Variants in RIMS2 observed in about 807,000 individuals in gnomAD.
RIMS2 encodes regulating synaptic membrane exocytosis protein 2.
Under a neutral mutation model 174.4 loss-of-function variants are expected in RIMS2, and 59 were observed. The ratio of observed to expected loss-of-function variants is 0.34; its 90% CI spans 0.27 to 0.42. The LOEUF (loss-of-function observed/expected upper bound fraction) is 0.42, where lower values mean the gene tolerates loss of function less well. Among genes scored for constraint, RIMS2 ranks in the 10% least tolerant of loss-of-function variants. RIMS2 has a pLI of 1.00. For missense variants in RIMS2, 1,620 were observed against 1,666.3 expected, an observed-to-expected ratio of 0.97 and a Z score of 0.48; for synonymous variants, 606 against 572.5, an observed-to-expected ratio of 1.06 and a Z score of -0.84.
chr8:103,653,987 A>T (rs182890532), intron 1 of RIMS2, among the ~76,000 whole-genome samples: 1 of 152,228 alleles, frequency 6.6e-6, no homozygotes, highest in Admixed American at 6.5e-5. Flanking sequence ...GAATTTTATG[A>T]CATAAGGAGT....
chr8:104,056,085 A>G (rs2096863486), intron 19 of RIMS2, among the ~76,000 whole-genome samples: 1 of 152,196 alleles, frequency 6.6e-6, no homozygotes, highest in African/African-American at 2.4e-5. Flanking sequence ...TAAAACAAAA[A>G]ACACTTAAAC....
intron 19 of RIMS2, among the ~76,000 whole-genome samples, chr8:104,184,503 T>C (rs890122093): frequency 5.3e-5 from 8 of 151,714 alleles, no homozygotes; most frequent in Non-Finnish European, 1.2e-4. Flanking sequence ...AATGTTTTTA[T>C]TGAAAAGCAT....
At chr8:103,534,316 C>T (rs1235133572) in intron 1 of RIMS2, among the ~76,000 whole-genome samples, 1 of 152,188 alleles carries the variant, frequency 6.6e-6, no homozygotes, top group African/African-American at 2.4e-5. Flanking sequence ...GATATATTTT[C>T]CAAGCTCAGA....
At chr8:104,172,624 T>A (rs2098838826) in intron 19 of RIMS2, among the ~76,000 whole-genome samples, 1 of 152,214 alleles carries the variant, frequency 6.6e-6, no homozygotes, top group African/African-American at 2.4e-5. Flanking sequence ...AAGCCTAAAA[T>A]ATTTGCCATA....
intron 1 of RIMS2, among the ~76,000 whole-genome samples, chr8:103,630,575 C>A (rs2095888513): frequency 8.7e-6 from 1 of 115,108 alleles, no homozygotes. Context: ...AGCAAAACTC[C>A]ATCTCAAAAA....
At chr8:103,604,358 A>G (rs1328587877) in intron 1 of RIMS2, among the ~76,000 whole-genome samples, 3 of 151,826 alleles carry the variant, frequency 2.0e-5, no homozygotes, top group Admixed American at 6.6e-5. Context: ...ATTGATCTAT[A>G]TCTCTGTTTT....
At chr8:104,186,369 A>G (rs2098967972) in intron 19 of RIMS2, among the ~76,000 whole-genome samples, 1 of 151,774 alleles carries the variant, frequency 6.6e-6, no homozygotes, top group Non-Finnish European at 1.5e-5. Context: ...CTACCTGGTA[A>G]ATTTATAGAA....
chr8:103,786,802 C>T (rs1462006847), intron 3 of RIMS2, among the ~76,000 whole-genome samples: 3 of 152,128 alleles, frequency 2.0e-5, no homozygotes, highest in African/African-American at 7.2e-5. Flanking sequence ...TGGTGCAGAG[C>T]TGAGTTCAAT....
At chr8:104,249,641 T>C (rs1035225337) in intron 22 of RIMS2, 53 bp downstream of exon 28, 7 of 1,017,942 alleles carry the variant, frequency 6.9e-6, no homozygotes, top group Non-Finnish European at 1.1e-5. Context: ...ATTGTTTCAA[T>C]TTAGAGACCT....
At position 103,803,334 on chromosome 8, in the gene RIMS2, G is replaced by A. The variant is rs527709913; in HGVS notation, c.698+36797G>A. 1.4e-4 allele frequency among the ~76,000 whole-genome samples: 22 copies of A among 152,202 alleles called. No homozygotes were observed. The East Asian group carries it at 3.1e-3, about 21-fold the overall frequency. Reference sequence around the variant, plus strand: ...TAGTGTTATGTGTCAAATGTAAGACGTAACTTAGATTAAAGTGGTGGTTCT... The same window carrying A: ...TAGTGTTATGTGTCAAATGTAAGACATAACTTAGATTAAAGTGGTGGTTCT... On this transcript the variant is annotated intron_variant, in intron 3 of 23. Transcript: ENST00000504942.
At chr8:103,767,832 TA>T (rs2098194572) in intron 3 of RIMS2, among the ~76,000 whole-genome samples, 1 of 152,230 alleles carries the variant, frequency 6.6e-6, no homozygotes, top group African/African-American at 2.4e-5. Context: ...ACAATCATCT[TA>T]ATCTTGTGGG....
chr8:103,694,083 G>T (rs1335113135), intron 1 of RIMS2, among the ~76,000 whole-genome samples: 3 of 152,130 alleles, frequency 2.0e-5, no homozygotes, highest in African/African-American at 7.2e-5. Context: ...CTTGGCACTG[G>T]GTTCTACTGT....
intron 1 of RIMS2, among the ~76,000 whole-genome samples, chr8:103,669,944 A>T (rs1425912289): frequency 2.0e-5 from 3 of 151,958 alleles, no homozygotes; most frequent in Admixed American, 2.0e-4. Context: ...CCCAGTGTGG[A>T]CTCTGTGTGG....
chr8:103,658,219 A>G (rs1295919800), intron 1 of RIMS2, among the ~76,000 whole-genome samples: 1 of 152,216 alleles, frequency 6.6e-6, no homozygotes, highest in African/African-American at 2.4e-5. Flanking sequence ...CAAAACTGCA[A>G]TTACCTTGCA....
At chr8:104,099,055 G>A (rs962884085) in intron 19 of RIMS2, among the ~76,000 whole-genome samples, 2 of 152,196 alleles carry the variant, frequency 1.3e-5, no homozygotes, top group African/African-American at 2.4e-5. Context: ...TAGCTTAGAT[G>A]ATAGTATGCA....
chr8:103,964,607 C>A (rs1565565676), intron 15 of RIMS2, among the ~76,000 whole-genome samples: 1 of 152,026 alleles, frequency 6.6e-6, no homozygotes, highest in South Asian at 2.1e-4. Context: ...TTTCTCTCTT[C>A]TGTGGCTTCT....
chr8:103,961,175 G>A (rs1472615360), intron 15 of RIMS2, 42 bp downstream of exon 17: 1 of 853,326 alleles, frequency 1.2e-6, no homozygotes, highest in Non-Finnish European at 2.0e-6. Flanking sequence ...AAAAGGGAGT[G>A]CAATTCATCA....
chr8:103,670,350 A>G (rs1035385634), intron 1 of RIMS2, among the ~76,000 whole-genome samples: 14 of 152,242 alleles, frequency 9.2e-5, no homozygotes, highest in African/African-American at 3.4e-4. Flanking sequence ...AGTCTCTGAC[A>G]TGCTCTGGAG....
At chr8:103,615,872 A>G (rs183908227) in intron 1 of RIMS2, among the ~76,000 whole-genome samples, 3 of 152,334 alleles carry the variant, frequency 2.0e-5, no homozygotes, top group African/African-American at 7.2e-5. Context: ...AAATTGAATC[A>G]GTAGTAAGTA....
Sources: allele counts gnomAD v4.1 joint callset (sites outside exome capture counted in the v4.1 genomes callset), GRCh38; gene constraint gnomAD v4.1.1; transcripts MANE v1.5; gene names NCBI Gene and HGNC (gene_info 2026-07-23, HGNC 2026-07-21).